The following ATP2C1 variants were observed in gnomAD, a reference collection of about 807,000 sequenced individuals.
The protein encoded by ATP2C1 is ATPase secretory pathway Ca2+ transporting 1.
ATP2C1 carries 31 observed loss-of-function variants against 120.5 expected under a neutral mutation model. The ratio of observed to expected loss-of-function variants is 0.26; its 90% CI spans 0.19 to 0.35. ATP2C1 has a LOEUF of 0.35. Among genes scored for constraint, ATP2C1 ranks in the 10% least tolerant of loss-of-function variants. The pLI is 1.00. For synonymous variants in ATP2C1, 351 were observed against 358.7 expected, an observed-to-expected ratio of 0.98 and a Z score of 0.24; for missense variants, 731 against 1,107.5, an observed-to-expected ratio of 0.66 and a Z score of 4.83.
intron 2 of ATP2C1, among the ~76,000 whole-genome samples, chr3:130,917,985 T>C (rs1291190737): frequency 1.3e-5 from 2 of 152,222 alleles, no homozygotes; most frequent in Non-Finnish European, 2.9e-5. Flanking sequence ...CTTTTTTTTT[T>C]CAAGCTGAAG....
At chr3:131,015,069 G>A (rs757778083) in intron 26 of ATP2C1, 12 of 500,630 alleles carry the variant, frequency 2.4e-5, no homozygotes, top group Middle Eastern at 7.1e-4. Flanking sequence ...ATTATTAAAC[G>A]AAAGAAATAA....
Position 130,934,613 on chromosome 3 carries a change from T to A in ATP2C1, c.235-9T>A. 1 of 1,596,166 alleles carries A rather than the reference T, an allele frequency of 6.3e-7. No homozygotes were observed. The highest frequency in any genetic ancestry group is 8.6e-7 in the Non-Finnish European group (1 of 1,163,774). On this transcript the variant is annotated splice_polypyrimidine_tract_variant and intron_variant, in intron 4 of 27. Transcript: ENST00000510168. Reference sequence around the variant, plus strand: ...ACTGTGTTGAATTGCTGTTTGTTTTTACTTTCAGTTTAAAAATCCCCTTAT... The same window carrying A: ...ACTGTGTTGAATTGCTGTTTGTTTTAACTTTCAGTTTAAAAATCCCCTTAT...
At position 130,995,896 on chromosome 3, in the gene ATP2C1, C is replaced by T. The variant is rs543438252; in HGVS notation, c.2058-147C>T. On this transcript the variant is annotated intron_variant, in intron 22 of 27. Transcript: ENST00000510168. ...GTGACCCCAGGTGATCTGCCAGTTT[C>T]GGCCTCCCAGTGTGCTGGGATTACA... 7.6e-5 allele frequency: 47 copies of T among 622,472 alleles called. No homozygotes were observed. The East Asian group carries it at 1.1e-3, about 14-fold the overall frequency. 38.6% of individuals were successfully genotyped at this position (622,472 alleles called of 1,614,324 possible).
At chr3:130,866,551 T>G (rs1040532058) in intron 1 of ATP2C1, among the ~76,000 whole-genome samples, 1 of 152,206 alleles carries the variant, frequency 6.6e-6, no homozygotes, top group Non-Finnish European at 1.5e-5. Context: ...AAAAACTGGC[T>G]TCATAGCTAG....
At position 130,894,172 on chromosome 3, in the gene ATP2C1, C is replaced by T. The variant is rs370802021; in HGVS notation, c.-346C>T. ...TCTCCCCTCCCCGCCCGCCCTCTCT[C>T]CCTCCCTTCCTCCCTCCCGCTCGCT... On this transcript the variant is annotated 5_prime_UTR_variant, in exon 1 of 28. Transcript: ENST00000510168. The surrounding 1 kb of genome is among the most constrained non-coding windows in gnomAD (Gnocchi z 4.5). The T allele has an allele frequency of 8.7e-4, 351 of 402,324 alleles. 8 individuals are homozygous for T. The East Asian group carries it at 0.046, about 52-fold the overall frequency. 24.9% of individuals were successfully genotyped at this position (402,324 alleles called of 1,614,324 possible).
Position 130,894,149 on chromosome 3 carries a change from T to TGGCCCGC in ATP2C1, c.-369_-368insGGCCCGC. 1 of 694,852 alleles carries TGGCCCGC rather than the reference T, an allele frequency of 1.4e-6. No individual in the cohort carries two copies. The highest frequency in any genetic ancestry group is 1.8e-6 in the Non-Finnish European group (1 of 565,208). The allele number at this position is 694,852 out of a possible 1,614,324, so 43.0% of individuals were successfully genotyped here. ...ACGGGTCCCCTCACCTCCTCTTCTC[T>TGGCCCGC]CCCCTCCCCGCCCGCCCTCTCTCCC... On this transcript the variant is annotated 5_prime_UTR_variant, in exon 1 of 28. Coordinates refer to ENST00000510168, the MANE Select transcript of ATP2C1 (RefSeq NM_001378687.1). This position sits in a 1 kb window ranked among gnomAD's most constrained non-coding sequence, Gnocchi z 4.5.
At chr3:130,872,976 G>T (rs2068484404) in intron 1 of ATP2C1, among the ~76,000 whole-genome samples, 1 of 152,084 alleles carries the variant, frequency 6.6e-6, no homozygotes, top group African/African-American at 2.4e-5. Context: ...GGTATCTGAA[G>T]GTTGAATAAA....
chr3:130,855,658 A>G (rs2067814749), intron 1 of ATP2C1, among the ~76,000 whole-genome samples: 1 of 152,204 alleles, frequency 6.6e-6, no homozygotes, highest in Non-Finnish European at 1.5e-5. Flanking sequence ...ACCCCTAAGC[A>G]GAGATGTAGA....
rs779969833 is a variant in ATP2C1, at chr3:130,994,126, CAG to C, written c.2057+32_2057+33del. On this transcript the variant is annotated intron_variant, in intron 22 of 27. Coordinates refer to ENST00000510168, the MANE Select transcript of ATP2C1 (RefSeq NM_001378687.1). ...AAGCTTTGTTTCAGTGAATGCCTAT[CAG>C]AGAATCTTCCCCTATCCTTTCCTGT... The C allele has an allele frequency of 3.9e-5, 63 of 1,612,948 alleles. No homozygotes were observed. In the South Asian group the frequency reaches 6.9e-4, roughly 18 times the overall value.
rs1234391238 is a variant in ATP2C1 at position 130,906,501 on chromosome 3, A to G, written c.6+11726A>G. On this transcript the variant is annotated intron_variant, in intron 2 of 27. Transcript: ENST00000510168. Reference sequence around the variant, plus strand: ...TTCATGTATGGGTTTTTGTGTAAACATGTTTTCAGTTTTTTCAGGTGTATA... The same window carrying G: ...TTCATGTATGGGTTTTTGTGTAAACGTGTTTTCAGTTTTTTCAGGTGTATA... Among the ~76,000 whole-genome samples the G allele has an allele frequency of 3.3e-5, 5 of 152,036 alleles. No homozygotes were observed. In the East Asian group the frequency reaches 9.6e-4, roughly 29 times the overall value.
intron 2 of ATP2C1, among the ~76,000 whole-genome samples, chr3:130,921,559 T>C (rs2058967792): frequency 1.3e-5 from 2 of 152,242 alleles, no homozygotes; most frequent in Non-Finnish European, 2.9e-5. Flanking sequence ...TTTCTGTTTT[T>C]TGCTATTGAA....
At chr3:130,859,245 A>G (rs2067940131) in intron 1 of ATP2C1, among the ~76,000 whole-genome samples, 1 of 152,246 alleles carries the variant, frequency 6.6e-6, no homozygotes, top group African/African-American at 2.4e-5. Context: ...GTTGCTCTAG[A>G]GTCTAAGACC....
intron 5 of ATP2C1, among the ~76,000 whole-genome samples, chr3:130,936,205 G>T (rs1299686559): frequency 6.6e-6 from 1 of 151,228 alleles, no homozygotes; most frequent in African/African-American, 2.4e-5. Context: ...ACAAATGTGT[G>T]TTTTTTTTAA....
chr3:130,886,391 A>G (rs959501109), intron 1 of ATP2C1, among the ~76,000 whole-genome samples: 1 of 152,078 alleles, frequency 6.6e-6, no homozygotes, highest in Non-Finnish European at 1.5e-5. Context: ...CAGGCTTAGG[A>G]AGTTTTCTGG....
chr3:131,011,058 C>T (rs2063300151), intron 26 of ATP2C1, among the ~76,000 whole-genome samples: 1 of 152,156 alleles, frequency 6.6e-6, no homozygotes. Flanking sequence ...GAGGCATAGT[C>T]ATTGATTTAT....
chr3:130,904,011 G>T (rs2058006496), intron 2 of ATP2C1, among the ~76,000 whole-genome samples: 1 of 151,934 alleles, frequency 6.6e-6, no homozygotes, highest in Non-Finnish European at 1.5e-5. Context: ...TAATTCAGAT[G>T]TAGTTAACTG....
intron 20 of ATP2C1, among the ~76,000 whole-genome samples, chr3:130,991,660 C>T (rs374178276): frequency 1.1e-4 from 17 of 152,050 alleles, no homozygotes; most frequent in African/African-American, 2.4e-4. Context: ...TGTATACTGA[C>T]GGTAAAGATA....
intron 16 of ATP2C1, among the ~76,000 whole-genome samples, chr3:130,968,632 C>T (rs973064359): frequency 3.3e-5 from 5 of 152,098 alleles, no homozygotes; most frequent in East Asian, 1.9e-4. Context: ...TTTTTATAGA[C>T]GCTGTATGTG....
intron 24 of ATP2C1, among the ~76,000 whole-genome samples, chr3:130,997,351 G>A (rs1485703217): frequency 6.6e-6 from 1 of 152,148 alleles, no homozygotes; most frequent in African/African-American, 2.4e-5. Flanking sequence ...AAACTTACAT[G>A]TAAATGAATT....
Sources: gnomAD v4.1 joint callset for allele counts (sites outside exome capture counted in the v4.1 genomes callset) on GRCh38, gnomAD v4.1.1 for gene constraint, Gnocchi (gnomAD v3.1) non-coding constraint, MANE v1.5 for transcripts, NCBI Gene and HGNC (gene_info 2026-07-23, HGNC 2026-07-21) for gene names.